The following CADM2 variants were observed in gnomAD, a reference collection of about 807,000 sequenced individuals.
CADM2 encodes the protein cell adhesion molecule 2.
A neutral mutation model predicts 49.8 loss-of-function variants in CADM2; 12 were observed. That is an observed-to-expected ratio of 0.24 (90% CI 0.15 to 0.39). The LOEUF (loss-of-function observed/expected upper bound fraction) is 0.39. CADM2 is among the 10% of genes least tolerant of loss of function. The pLI, the probability that CADM2 is intolerant of heterozygous loss-of-function variation, is 1.00. For missense variants in CADM2, 378 were observed against 492.3 expected (o/e 0.77, Z 2.20); for synonymous variants, 214 against 175.4 (o/e 1.22, Z -1.74).
At chr3:85,020,207 G>T (rs1439507126) in intron 1 of CADM2, among the ~76,000 whole-genome samples, 3 of 151,968 alleles carry the variant, frequency 2.0e-5, no homozygotes, top group Non-Finnish European at 2.9e-5. Context: ...TATGTTGCCT[G>T]GTGGTTTCAA....
intron 1 of CADM2, among the ~76,000 whole-genome samples, chr3:85,412,064 G>A (rs1301197503): frequency 6.6e-6 from 1 of 152,108 alleles, no homozygotes; most frequent in Non-Finnish European, 1.5e-5. Flanking sequence ...CTGACCTCAA[G>A]TGATCTGCCC....
intron 1 of CADM2, among the ~76,000 whole-genome samples, chr3:85,488,117 A>G (rs556140402): frequency 1.3e-5 from 2 of 152,200 alleles, no homozygotes; most frequent in African/African-American, 2.4e-5. Flanking sequence ...ATAAAGAAAT[A>G]AAATTTTTCT....
chr3:85,944,957 A>G (rs1344668550), intron 7 of CADM2, among the ~76,000 whole-genome samples: 1 of 152,114 alleles, frequency 6.6e-6, no homozygotes, highest in Non-Finnish European at 1.5e-5. Context: ...TAGAGACACA[A>G]AAAACCCTTC....
chr3:85,267,985 G>T (rs2043157604), intron 1 of CADM2, among the ~76,000 whole-genome samples: 1 of 151,298 alleles, frequency 6.6e-6, no homozygotes, highest in African/African-American at 2.4e-5. Flanking sequence ...AAATGCCATG[G>T]ATATATTGGA....
chr3:85,688,465 GAGA>G (rs1305869484), intron 1 of CADM2, among the ~76,000 whole-genome samples: 1 of 151,986 alleles, frequency 6.6e-6, no homozygotes, highest in Non-Finnish European at 1.5e-5. Context: ...TCAAGTGTTG[GAGA>G]AGATGTTGAG....
intron 3 of CADM2, among the ~76,000 whole-genome samples, chr3:85,817,662 C>T (rs1053413074): frequency 1.7e-4 from 26 of 152,134 alleles, no homozygotes; most frequent in African/African-American, 6.3e-4. Context: ...ACAGTTCCAT[C>T]GTGGATTTGT....
intron 1 of CADM2, among the ~76,000 whole-genome samples, chr3:85,295,047 A>T (rs1338058286): frequency 1.3e-5 from 2 of 152,200 alleles, no homozygotes; most frequent in African/African-American, 4.8e-5. Context: ...CTCATCTGAC[A>T]AAGGGCTGAT....
In CADM2 at chr3:85,568,856, C is replaced by T. The variant is rs1248044988; in HGVS notation, c.62-157666C>T. Among the ~76,000 whole-genome samples the T allele has an allele frequency of 7.2e-5, 11 of 152,076 alleles. No individual in the cohort carries two copies. In the Middle Eastern group the frequency reaches 0.01, roughly 141 times the overall value. On this transcript the variant is annotated intron_variant, in intron 1 of 9. Transcript: ENST00000383699. ...CTCCTGACTTCAGGTGATCCGTCCACCTCGGCCTTCCAATACGGACAATAT... is the reference window on the plus strand; with the variant it reads ...CTCCTGACTTCAGGTGATCCGTCCATCTCGGCCTTCCAATACGGACAATAT...
At chr3:86,050,415 C>T (rs954879032) in intron 8 of CADM2, among the ~76,000 whole-genome samples, 2 of 152,172 alleles carry the variant, frequency 1.3e-5, no homozygotes, top group Non-Finnish European at 2.9e-5. Flanking sequence ...ACAGTACAAG[C>T]TGTCAGTGGA....
At chr3:85,174,345 G>A (rs1387866432) in intron 1 of CADM2, among the ~76,000 whole-genome samples, 1 of 151,956 alleles carries the variant, frequency 6.6e-6, no homozygotes, top group East Asian at 1.9e-4. Context: ...CCTTTTGTTT[G>A]TTTTTTAATT....
chr3:84,970,313 A>C (rs534860176), intron 1 of CADM2, among the ~76,000 whole-genome samples: 3 of 150,550 alleles, frequency 2.0e-5, no homozygotes, highest in Non-Finnish European at 3.0e-5. Context: ...GGTAGGATGG[A>C]AATATTATCT....
At chr3:86,014,624 A>C in intron 8 of CADM2, 1 of 1,593,214 alleles carries the variant, frequency 6.3e-7, no homozygotes, top group South Asian at 1.1e-5. Context: ...TATTCTTAGA[A>C]CAGCACCTCA....
chr3:86,038,075 G>C (rs953802077), intron 8 of CADM2, among the ~76,000 whole-genome samples: 3 of 152,124 alleles, frequency 2.0e-5, no homozygotes, highest in African/African-American at 7.2e-5. Context: ...TTATGAGTGA[G>C]AACATACAGT....
At chr3:85,977,435 T>A (rs1464513683) in intron 8 of CADM2, among the ~76,000 whole-genome samples, 1 of 151,630 alleles carries the variant, frequency 6.6e-6, no homozygotes, top group East Asian at 1.9e-4. Flanking sequence ...GATATTGGTC[T>A]TTGCAGTTAT....
intron 1 of CADM2, among the ~76,000 whole-genome samples, chr3:85,696,608 C>A (rs2066565289): frequency 6.6e-6 from 1 of 151,802 alleles, no homozygotes; most frequent in African/African-American, 2.4e-5. Flanking sequence ...TAGTTTTCCC[C>A]TTTGTTAGTA....
At chr3:85,386,998 C>G (rs1559814013) in intron 1 of CADM2, among the ~76,000 whole-genome samples, 1 of 152,132 alleles carries the variant, frequency 6.6e-6, no homozygotes, top group Non-Finnish European at 1.5e-5. Flanking sequence ...ATAGCAGTTC[C>G]ACAGGCAGGC....
At chr3:85,935,524 T>G (rs1721102264) in intron 6 of CADM2, among the ~76,000 whole-genome samples, 1 of 152,078 alleles carries the variant, frequency 6.6e-6, no homozygotes, top group South Asian at 2.1e-4. Flanking sequence ...AAATTCAGAT[T>G]TCAGAAATAA....
At chr3:85,960,853 C>T (rs1724722820) in intron 7 of CADM2, among the ~76,000 whole-genome samples, 1 of 151,402 alleles carries the variant, frequency 6.6e-6, no homozygotes, top group African/African-American at 2.4e-5. Flanking sequence ...TCAAGCAAAG[C>T]TGTGCCACAA....
intron 1 of CADM2, among the ~76,000 whole-genome samples, chr3:84,963,554 T>C (rs984246746): frequency 2.6e-5 from 4 of 152,164 alleles, no homozygotes; most frequent in South Asian, 2.1e-4. Context: ...ACTGGGGCTT[T>C]AGGTTTTTTT....
Sources: gnomAD v4.1 joint callset for allele counts (sites outside exome capture counted in the v4.1 genomes callset) on GRCh38, gnomAD v4.1.1 for gene constraint, MANE v1.5 for transcripts, NCBI Gene and HGNC (gene_info 2026-07-23, HGNC 2026-07-21) for gene names.